The following MED8 variants were observed in gnomAD, a reference collection of about 807,000 sequenced individuals.
MED8 encodes the protein mediator of RNA polymerase II transcription subunit 8.
A neutral mutation model predicts 34.8 loss-of-function variants in MED8; 22 were observed. The observed-to-expected ratio is 0.63, with a 90% CI of 0.45 to 0.90. The LOEUF (loss-of-function observed/expected upper bound fraction) is 0.90, where lower values mean the gene tolerates loss of function less well. MED8 is among the 40% of genes least tolerant of loss of function. The probability of loss-of-function intolerance (pLI) is 0.00; values close to 1 mark genes in which losing one functional copy is unlikely to be tolerated. For missense variants in MED8, 260 were observed against 326.3 expected (o/e 0.80, Z 1.57); for synonymous variants, 105 against 120.2 (o/e 0.87, Z 0.83).
At chr1:43,385,707 T>C (rs1392799220) in intron 6 of MED8, 1 of 476,330 alleles carries the variant, frequency 2.1e-6, no homozygotes, top group African/African-American at 1.9e-5. Flanking sequence ...CCAGAATAAA[T>C]GGGATAGAAG....
At chr1:43,388,077 G>T (rs888601786) in intron 2 of MED8, among the ~76,000 whole-genome samples, 3 of 152,256 alleles carry the variant, frequency 2.0e-5, no homozygotes, top group Admixed American at 1.3e-4. Flanking sequence ...CCTCACCAGA[G>T]AAGTCAAAGG....
intron 6 of MED8, 177 bp from the exon 7 acceptor site, chr1:43,385,283 G>T: frequency 2.6e-6 from 2 of 774,104 alleles, no homozygotes; most frequent in Non-Finnish European, 4.0e-6. Flanking sequence ...TCTCCCTGAA[G>T]GTGTCCAGGA....
intron 1 of MED8, 157 bp from the exon 2 acceptor site, chr1:43,388,585 G>A: frequency 1.5e-6 from 2 of 1,290,570 alleles, no homozygotes; most frequent in Non-Finnish European, 1.0e-6. Context: ...TTGGTATTTG[G>A]GTTATAGACA....
chr1:43,388,596 G>A (rs1051461418), intron 1 of MED8, 168 bp from the exon 2 acceptor site: 13 of 1,173,008 alleles, frequency 1.1e-5, no homozygotes, highest in Admixed American at 5.5e-5. Flanking sequence ...GTTATAGACA[G>A]CATCAACCCT....
At chr1:43,387,147 C>A (rs1426657595) in intron 3 of MED8, 149 bp from the exon 4 acceptor site, 4 of 1,081,622 alleles carry the variant, frequency 3.7e-6, no homozygotes, top group Non-Finnish European at 5.3e-6. Flanking sequence ...ACACACTCTC[C>A]TTTACTCCAT....
chr1:43,384,990 T>C lies in MED8; in HGVS notation c.*52A>G. 1 of 1,534,864 alleles carries C rather than the reference T, an allele frequency of 6.5e-7. No homozygotes were observed. The highest frequency in any genetic ancestry group is 1.2e-5 in the South Asian group (1 of 81,426). On this transcript the variant is annotated 3_prime_UTR_variant, in exon 7 of 7. Transcript: ENST00000372457. ...GGTGAGCCTTGAGCAAAAGGTAATTTCACTGCCCAACTCTGCAAAGAGCAC... is the reference window on the plus strand; with the variant it reads ...GGTGAGCCTTGAGCAAAAGGTAATTCCACTGCCCAACTCTGCAAAGAGCAC...
rs769633950 is a variant in MED8 at position 43,387,039 on chromosome 1, A to G, written c.271-41T>C. 4.4e-6 allele frequency: 7 copies of G among 1,605,874 alleles called. No individual in the cohort carries two copies. The Admixed American group carries it at 5.1e-5, about 12-fold the overall frequency. On this transcript the variant is annotated intron_variant, in intron 3 of 6. Coordinates refer to ENST00000372457, the MANE Select transcript of MED8 (RefSeq NM_201542.5). ...TTTATTGATCCTACTCTGTACTCCA[A>G]GAAGATTCTATCTGGCCTGACATAA... is the stretch of plus-strand genomic sequence containing the variant.
At position 43,386,479 on chromosome 1, in the gene MED8, C is replaced by T; in HGVS notation, c.493+110G>A. 1 of 1,266,544 alleles carries T rather than the reference C, an allele frequency of 7.9e-7. No homozygotes were observed. The highest frequency in any genetic ancestry group is 1.1e-6 in the Non-Finnish European group (1 of 899,904). The allele number at this position is 1,266,544 out of a possible 1,614,324, so 78.5% of individuals were successfully genotyped here. ...AGGCTAACAGAATGGATACAAACCC[C>T]AAAGCAGTTCACCCTTGTGTCCTAA... On this transcript the variant is annotated intron_variant, in intron 5 of 6. Transcript: ENST00000372457. The surrounding 1 kb of genome is among the most constrained non-coding windows in gnomAD (Gnocchi z 4.9).
rs181494320 is a variant in MED8 at position 43,386,403 on chromosome 1, T to A, written c.494-177A>T. The stretch of plus-strand genomic sequence containing the variant: ...CCAAGCCTATCTCAGAATTCTCTCT[T>A]CTTACTTTGCCCATTTCCTCCACTG... On this transcript the variant is annotated intron_variant, in intron 5 of 6. Coordinates refer to ENST00000372457, the MANE Select transcript of MED8 (RefSeq NM_201542.5). This position sits in a 1 kb window ranked among gnomAD's most constrained non-coding sequence, Gnocchi z 4.9. 1.2e-4 allele frequency: 131 copies of A among 1,061,434 alleles called. No individual in the cohort carries two copies. The highest frequency in any genetic ancestry group is 2.1e-4 in the Middle Eastern group (1 of 4,816). 65.8% of individuals were successfully genotyped at this position (1,061,434 alleles called of 1,614,324 possible).
At chr1:43,388,595 A>G in intron 1 of MED8, 167 bp from the exon 2 acceptor site, 2 of 1,189,512 alleles carry the variant, frequency 1.7e-6, no homozygotes, top group Non-Finnish European at 2.3e-6. Context: ...GGTTATAGAC[A>G]GCATCAACCC....
Position 43,386,478 on chromosome 1 carries a change from C to T in MED8, c.493+111G>A, listed in dbSNP as rs889109918. ...AAGGCTAACAGAATGGATACAAACC[C>T]CAAAGCAGTTCACCCTTGTGTCCTA... is the stretch of plus-strand genomic sequence containing the variant. On this transcript the variant is annotated intron_variant, in intron 5 of 6. Coordinates refer to ENST00000372457, the MANE Select transcript of MED8 (RefSeq NM_201542.5). This position sits in a 1 kb window ranked among gnomAD's most constrained non-coding sequence, Gnocchi z 4.9. The T allele has an allele frequency of 2.4e-5, 30 of 1,266,790 alleles. No homozygotes were observed. The Middle Eastern group carries it at 1.3e-3, about 54-fold the overall frequency. The allele number at this position is 1,266,790 out of a possible 1,614,324, so 78.5% of individuals were successfully genotyped here.
Position 43,386,518 on chromosome 1 carries a change from A to G in MED8, c.493+71T>C. The G allele has an allele frequency of 6.6e-7, 1 of 1,507,622 alleles. No homozygotes were observed. The highest frequency in any genetic ancestry group is 9.1e-7 in the Non-Finnish European group (1 of 1,103,772). The allele number at this position is 1,507,622 out of a possible 1,614,324, so 93.4% of individuals were successfully genotyped here. On this transcript the variant is annotated intron_variant, in intron 5 of 6. Transcript: ENST00000372457. The surrounding 1 kb of genome is among the most constrained non-coding windows in gnomAD (Gnocchi z 4.9). ...CTTGTGTCCTAACTTCACTACTTCCAAAACAACCATTCCCATTCCAGTGAT... is the reference window on the plus strand; with the variant it reads ...CTTGTGTCCTAACTTCACTACTTCCGAAACAACCATTCCCATTCCAGTGAT...
rs1000110023 is a variant in MED8, at chr1:43,384,333, T to C, written c.*709A>G. The C allele has an allele frequency of 7.5e-6, 10 of 1,341,566 alleles. No individual in the cohort carries two copies. The highest frequency in any genetic ancestry group is 9.9e-6 in the Non-Finnish European group (10 of 1,008,218). 83.1% of individuals were successfully genotyped at this position (1,341,566 alleles called of 1,614,324 possible). A position where few individuals can be genotyped will look rare whatever the true frequency, so the allele number is the denominator to read the frequency against. The stretch of plus-strand genomic sequence containing the variant: ...CATAGTCCTGCCTGGCAGAGCCACT[T>C]CCTGAGAAAGCCTCGTGTGTATAAG... On this transcript the variant is annotated 3_prime_UTR_variant, in exon 7 of 7. Coordinates refer to ENST00000372457, the MANE Select transcript of MED8 (RefSeq NM_201542.5).
At chr1:43,388,475 A>T (rs764174189) in intron 1 of MED8, 47 bp from the exon 2 acceptor site, 1 of 1,605,138 alleles carries the variant, frequency 6.2e-7, no homozygotes, top group Non-Finnish European at 8.5e-7. Context: ...CGAGTATGAC[A>T]CATAGAAAGG....
At chr1:43,387,272 A>C (rs1468103899) in intron 3 of MED8, among the ~76,000 whole-genome samples, 1 of 152,166 alleles carries the variant, frequency 6.6e-6, no homozygotes, top group Non-Finnish European at 1.5e-5. Flanking sequence ...CAAAAGGGCA[A>C]ACTTTGTGGC....
Position 43,384,247 on chromosome 1 carries a change from A to G in MED8, c.*795T>C. 3.5e-6 allele frequency: 2 copies of G among 564,784 alleles called. No individual in the cohort carries two copies. The highest frequency in any genetic ancestry group is 3.0e-6 in the Non-Finnish European group (1 of 336,842). 35.0% of individuals were successfully genotyped at this position (564,784 alleles called of 1,614,324 possible). A position where few individuals can be genotyped will look rare whatever the true frequency, so the allele number is the denominator to read the frequency against. On this transcript the variant is annotated 3_prime_UTR_variant, in exon 7 of 7. Coordinates refer to ENST00000372457, the MANE Select transcript of MED8 (RefSeq NM_201542.5). Reference sequence around the variant, plus strand: ...AGTGCAATTCCCTTCTCCCTCCAAAATAAGAAACATGAATCCAGGGGAAGG... The same window carrying G: ...AGTGCAATTCCCTTCTCCCTCCAAAGTAAGAAACATGAATCCAGGGGAAGG...
At chr1:43,385,691 C>T in intron 6 of MED8, 1 of 433,918 alleles carries the variant, frequency 2.3e-6, no homozygotes, top group Non-Finnish European at 4.2e-6. Context: ...GACAACATAT[C>T]TAATACCAGA....
In MED8 at chr1:43,388,586, G is replaced by A. The variant is rs897609186; in HGVS notation, c.7-158C>T. On this transcript the variant is annotated intron_variant, in intron 1 of 6. Transcript: ENST00000372457. ...GTTGTTTTCTATCTTTGGTATTTGG[G>A]TTATAGACAGCATCAACCCTGAGAC... 9.5e-6 allele frequency: 12 copies of A among 1,269,628 alleles called. No individual in the cohort carries two copies. The African/African-American group carries it at 1.5e-4, about 16-fold the overall frequency. The allele number at this position is 1,269,628 out of a possible 1,614,324, so 78.6% of individuals were successfully genotyped here.
Position 43,386,417 on chromosome 1 carries a change from T to C in MED8, c.493+172A>G. The C allele has an allele frequency of 1.9e-6, 2 of 1,032,730 alleles. No homozygotes were observed. The highest frequency in any genetic ancestry group is 2.8e-6 in the Non-Finnish European group (2 of 722,370). The allele number at this position is 1,032,730 out of a possible 1,614,324, so 64.0% of individuals were successfully genotyped here. On this transcript the variant is annotated intron_variant, in intron 5 of 6. Coordinates refer to ENST00000372457, the MANE Select transcript of MED8 (RefSeq NM_201542.5). This position sits in a 1 kb window ranked among gnomAD's most constrained non-coding sequence, Gnocchi z 4.9. Reference sequence around the variant, plus strand: ...GAATTCTCTCTTCTTACTTTGCCCATTTCCTCCACTGCTTCAGTGCTGGCC... The same window carrying C: ...GAATTCTCTCTTCTTACTTTGCCCACTTCCTCCACTGCTTCAGTGCTGGCC...
Sources: allele counts gnomAD v4.1 joint callset (sites outside exome capture counted in the v4.1 genomes callset), GRCh38; gene constraint gnomAD v4.1.1; non-coding constraint Gnocchi (gnomAD v3.1); transcripts MANE v1.5; gene names NCBI Gene and HGNC (gene_info 2026-07-23, HGNC 2026-07-21).